TMEM255B: variants seen among roughly 807,000 people sequenced by gnomAD.
TMEM255B encodes transmembrane protein 255B.
Under a neutral mutation model 34.5 loss-of-function variants are expected in TMEM255B, and 35 were observed. The observed-to-expected ratio is 1.01, with a 90% CI of 0.77 to 1.34. The LOEUF is 1.34. Ranked by LOEUF, TMEM255B falls within the 40% of genes most tolerant of loss-of-function variation. TMEM255B has a pLI of 0.00. For missense variants in TMEM255B, 432 were observed against 433.2 expected, an observed-to-expected ratio of 1.00 and a Z score of 0.02; for synonymous variants, 206 against 201.2, an observed-to-expected ratio of 1.02 and a Z score of -0.20.
chr13:113,802,018 A>G (rs2051075612), intron 7 of TMEM255B, among the ~76,000 whole-genome samples: 1 of 152,066 alleles, frequency 6.6e-6, no homozygotes, highest in Admixed American at 6.5e-5. Context: ...CACAAGAATC[A>G]CCTGATTTAA....
intron 2 of TMEM255B, 165 bp from the exon 3 acceptor site, chr13:113,768,933 C>A (rs1308734105): frequency 6.8e-6 from 5 of 732,182 alleles, no homozygotes; most frequent in Non-Finnish European, 1.2e-5. Flanking sequence ...CCAACGCCAG[C>A]AGACGCACCT....
chr13:113,781,988 T>C (rs2050672221), intron 3 of TMEM255B, among the ~76,000 whole-genome samples: 1 of 152,228 alleles, frequency 6.6e-6, no homozygotes. Flanking sequence ...CCCCAGGCCT[T>C]ATCTAGAATT....
chr13:113,811,189 G>GAA (rs2051293067), intron 8 of TMEM255B, among the ~76,000 whole-genome samples: 1 of 102,078 alleles, frequency 9.8e-6, no homozygotes, highest in Admixed American at 1.0e-4. Context: ...TGGGGTGGGG[G>GAA]CCAGTGAGAG....
At chr13:113,790,751 T>A (rs963430316) in intron 3 of TMEM255B, among the ~76,000 whole-genome samples, 1 of 147,810 alleles carries the variant, frequency 6.8e-6, no homozygotes, top group African/African-American at 2.5e-5. Context: ...CTGAACTGAC[T>A]AGACACATGG....
chr13:113,793,724 G>C (rs746925802), intron 3 of TMEM255B, among the ~76,000 whole-genome samples: 1 of 152,252 alleles, frequency 6.6e-6, no homozygotes, highest in Non-Finnish European at 1.5e-5. Context: ...CAGACTCGCA[G>C]TGAGGGTGCC....
In TMEM255B at chr13:113,813,023, G is replaced by GTGGGTCACAGGTCCCGA. The variant is rs2051358252; in HGVS notation, c.*1120_*1121insTGGGTCACAGGTCCCGA. 1 of 116,744 alleles carries GTGGGTCACAGGTCCCGA rather than the reference G, an allele frequency of 8.6e-6. No individual in the cohort carries two copies. Among genetic ancestry groups the GTGGGTCACAGGTCCCGA allele is most frequent in the Non-Finnish European group, 1.7e-5 (1 of 57,792 alleles). 7.2% of individuals were successfully genotyped at this position (116,744 alleles called of 1,614,324 possible). On this transcript the variant is annotated 3_prime_UTR_variant, in exon 9 of 9. Transcript: ENST00000375353. Reference sequence around the variant, plus strand: ...GGTCCCGAGTGGGTCACGGGTCCCGGGTGGGTCACAGGCGCCCCAGTGACA... The same window carrying GTGGGTCACAGGTCCCGA: ...GGTCCCGAGTGGGTCACGGGTCCCGGTGGGTCACAGGTCCCGAGTGGGTCACAGGCGCCCCAGTGACA...
intron 3 of TMEM255B, among the ~76,000 whole-genome samples, chr13:113,771,587 G>A (rs973081185): frequency 5.9e-5 from 9 of 152,206 alleles, no homozygotes; most frequent in African/African-American, 2.2e-4. Flanking sequence ...GCTGAGGCAG[G>A]AGAATCACTT....
At position 113,814,738 on chromosome 13, in the gene TMEM255B, T is replaced by G. The variant is rs1237614477; in HGVS notation, c.*2835T>G. 3 of 152,184 alleles carry G rather than the reference T, an allele frequency of 2.0e-5. No individual in the cohort carries two copies. Among genetic ancestry groups the G allele is most frequent in the African/African-American group, 7.2e-5 (3 of 41,426 alleles). 9.4% of individuals were successfully genotyped at this position (152,184 alleles called of 1,614,324 possible). A position where few individuals can be genotyped will look rare whatever the true frequency, so the allele number is the denominator to read the frequency against. ...CTCTCTGGGCTCCGCTGGGGCCTTCTGATCCCAGCCTCCTCTGCAGGGATG... is the reference window on the plus strand; with the variant it reads ...CTCTCTGGGCTCCGCTGGGGCCTTCGGATCCCAGCCTCCTCTGCAGGGATG... On this transcript the variant is annotated 3_prime_UTR_variant, in exon 9 of 9. Transcript: ENST00000375353.
At chr13:113,795,386 C>A in intron 4 of TMEM255B, 149 bp downstream of exon 4, 2 of 760,116 alleles carry the variant, frequency 2.6e-6, no homozygotes, top group Middle Eastern at 3.5e-4. Context: ...TCTCTCCTCT[C>A]AGTAAGTCTC....
intron 3 of TMEM255B, among the ~76,000 whole-genome samples, chr13:113,775,489 TGGGCGGCTCTGC>T (rs1355449644): frequency 6.6e-6 from 1 of 152,246 alleles, no homozygotes; most frequent in Non-Finnish European, 1.5e-5. Flanking sequence ...ATGGCAGTGT[TGGGCGGCTCTGC>T]GGGTCACCGG....
chr13:113,785,879 C>T (rs528327804), intron 3 of TMEM255B, among the ~76,000 whole-genome samples: 7 of 152,246 alleles, frequency 4.6e-5, no homozygotes, highest in African/African-American at 9.6e-5. Context: ...CGGACACTCC[C>T]GGAGCCAGAT....
chr13:113,761,109 C>T (rs756502755), intron 1 of TMEM255B: 38 of 866,198 alleles, frequency 4.4e-5, no homozygotes, highest in Non-Finnish European at 5.1e-5. Flanking sequence ...TGAGTGATTA[C>T]AGTTTTACCT....
At chr13:113,778,469 C>A (rs551335201) in intron 3 of TMEM255B, among the ~76,000 whole-genome samples, 7 of 147,170 alleles carry the variant, frequency 4.8e-5, no homozygotes, top group African/African-American at 1.3e-4. Context: ...GGGTGAGTCC[C>A]GATTTCATCT....
At chr13:113,774,843 A>C (rs543896403) in intron 3 of TMEM255B, among the ~76,000 whole-genome samples, 81 of 150,392 alleles carry the variant, frequency 5.4e-4, no homozygotes, top group Non-Finnish European at 9.0e-4. Context: ...GACACACACA[A>C]CACACAATGC....
intron 3 of TMEM255B, among the ~76,000 whole-genome samples, chr13:113,777,706 T>C (rs7333109): frequency 0.4 from 60,099 of 152,090 alleles, 13,752 homozygotes; most frequent in East Asian, 0.72. Context: ...CCAGGTCCCT[T>C]GTCCTAAGGA....
At chr13:113,767,357 A>G (rs2050407826) in intron 2 of TMEM255B, among the ~76,000 whole-genome samples, 1 of 152,272 alleles carries the variant, frequency 6.6e-6, no homozygotes, top group Non-Finnish European at 1.5e-5. Context: ...CAAGAGGCCA[A>G]TGGTGTGGGG....
intron 8 of TMEM255B, among the ~76,000 whole-genome samples, chr13:113,809,724 G>A (rs576858332): frequency 6.6e-5 from 10 of 152,062 alleles, no homozygotes; most frequent in African/African-American, 2.2e-4. Flanking sequence ...GGTTCACTCG[G>A]TGGTTCCTAG....
intron 8 of TMEM255B, among the ~76,000 whole-genome samples, chr13:113,809,436 G>GCTGTGGTTCCTGGGGGTTTACT (rs1252378174): frequency 8.6e-6 from 1 of 116,050 alleles, no homozygotes; most frequent in African/African-American, 3.6e-5. Context: ...GGGGATTTAT[G>GCTGTGGTTCCTGGGGGTTTACT]CTGTGGTTCC....
chr13:113,805,337 T>C (rs9577886), intron 8 of TMEM255B, among the ~76,000 whole-genome samples: 13,991 of 152,282 alleles, frequency 0.092, 750 homozygotes, highest in Admixed American at 0.14. Context: ...GCTCCTGCGT[T>C]TGTCTGCTGG....
Sources: gnomAD v4.1 joint callset for allele counts (sites outside exome capture counted in the v4.1 genomes callset) on GRCh38, gnomAD v4.1.1 for gene constraint, MANE v1.5 for transcripts, NCBI Gene and HGNC (gene_info 2026-07-23, HGNC 2026-07-21) for gene names.